SLC26A5: variants seen among roughly 807,000 people sequenced by gnomAD.
SLC26A5 encodes prestin.
A neutral mutation model predicts 81.0 loss-of-function variants in SLC26A5; 51 were observed. The ratio of observed to expected loss-of-function variants is 0.63; its 90% CI spans 0.50 to 0.80. SLC26A5 has a LOEUF of 0.80. Among genes scored for constraint, SLC26A5 ranks in the 30% least tolerant of loss-of-function variants. The pLI is 0.00. For missense variants in SLC26A5, 771 were observed against 905.8 expected (o/e 0.85, Z 1.91); for synonymous variants, 325 against 332.8 (o/e 0.98, Z 0.25).
chr7:103,427,851 C>G (rs372643700), intron 2 of SLC26A5, among the ~76,000 whole-genome samples: 2 of 143,978 alleles, frequency 1.4e-5, no homozygotes, highest in Non-Finnish European at 3.0e-5. Context: ...TCTAGAGATT[C>G]TTTTTTTTTT....
intron 9 of SLC26A5, among the ~76,000 whole-genome samples, chr7:103,395,821 T>C (rs1160088529): frequency 2.6e-5 from 4 of 152,014 alleles, no homozygotes; most frequent in African/African-American, 9.7e-5. Context: ...GCCCGGCCAA[T>C]AATATGTTTT....
rs534026552 is a variant in SLC26A5 at position 103,438,186 on chromosome 7, A to T, written c.-54+4897T>A. ...ATACAAAGGGTCAACTGTATATTTTAAAAAAAACTAAGAGTAAATTTCAAA... is the reference window on the plus strand; with the variant it reads ...ATACAAAGGGTCAACTGTATATTTTTAAAAAAACTAAGAGTAAATTTCAAA... On this transcript the variant is annotated intron_variant, in intron 2 of 19. Transcript: ENST00000306312. Among the ~76,000 whole-genome samples, 8 of 152,152 alleles carry T rather than the reference A, an allele frequency of 5.3e-5. No individual in the cohort carries two copies. The East Asian group carries it at 1.2e-3, about 22-fold the overall frequency.
Position 103,374,384 on chromosome 7 carries a change from G to A in SLC26A5, c.*15C>T, listed in dbSNP as rs184823040. On this transcript the variant is annotated 3_prime_UTR_variant, in exon 20 of 20. Coordinates refer to ENST00000306312, the MANE Select transcript of SLC26A5 (RefSeq NM_198999.3). ...ATGAGAGGCTTATAACCCCATCCTA[G>A]GGTGAGGTCCTCATCTATGCCTCAG... 59 of 1,611,968 alleles carry A rather than the reference G, an allele frequency of 3.7e-5. No homozygotes were observed. In the East Asian group the frequency reaches 1.2e-3, roughly 32 times the overall value.
At chr7:103,394,951 C>T (rs941471690) in intron 9 of SLC26A5, among the ~76,000 whole-genome samples, 1 of 152,126 alleles carries the variant, frequency 6.6e-6, no homozygotes. Context: ...CTGGAGATAC[C>T]ACATGTAGAG....
chr7:103,360,084 A>G (rs889861519), intron 19 of SLC26A5, among the ~76,000 whole-genome samples: 3 of 152,106 alleles, frequency 2.0e-5, no homozygotes, highest in Non-Finnish European at 1.5e-5. Flanking sequence ...GTCTCAAAAA[A>G]AAAAAAAAAG....
At chr7:103,427,279 G>A (rs1300801796) in intron 2 of SLC26A5, among the ~76,000 whole-genome samples, 1 of 151,962 alleles carries the variant, frequency 6.6e-6, no homozygotes, top group Non-Finnish European at 1.5e-5. Context: ...GTTTCCCCTT[G>A]TTGGCCAGGC....
intron 19 of SLC26A5, chr7:103,361,942 T>A: frequency 6.3e-7 from 1 of 1,594,302 alleles, no homozygotes; most frequent in Non-Finnish European, 8.5e-7. Flanking sequence ...CTAATCAAGC[T>A]TTTTGCTGTG....
At chr7:103,413,854 CAG>C (rs1438913826) in intron 4 of SLC26A5, among the ~76,000 whole-genome samples, 1 of 152,042 alleles carries the variant, frequency 6.6e-6, no homozygotes, top group Non-Finnish European at 1.5e-5. Flanking sequence ...GCAAAAGATA[CAG>C]AGGTTTTCCA....
chr7:103,371,474 G>A (rs1307552979), downstream of SLC26A5, among the ~76,000 whole-genome samples: 7 of 150,894 alleles, frequency 4.6e-5, no homozygotes, highest in African/African-American at 1.2e-4. Flanking sequence ...ACAGGCGCCC[G>A]CCACTACGCC....
At chr7:103,355,085 T>C in intron 19 of SLC26A5, 1 of 671,074 alleles carries the variant, frequency 1.5e-6, no homozygotes. Flanking sequence ...GTTAAGAAAT[T>C]AGATCTCATT....
intron 19 of SLC26A5, chr7:103,368,287 A>G: frequency 2.4e-6 from 1 of 419,118 alleles, no homozygotes; most frequent in South Asian, 4.3e-5. Context: ...ACATCATACA[A>G]AGCGCTTGCT....
At chr7:103,391,840 T>C in intron 10 of SLC26A5, 105 bp from the exon 11 acceptor site, 1 of 858,474 alleles carries the variant, frequency 1.2e-6, no homozygotes, top group East Asian at 2.6e-5. Context: ...GCCTATCTCT[T>C]CATTTTCCTT....
At chr7:103,399,448 A>C in intron 8 of SLC26A5, among the ~76,000 whole-genome samples, 1 of 151,978 alleles carries the variant, frequency 6.6e-6, no homozygotes, top group Admixed American at 6.5e-5. Context: ...TGCCATGTAG[A>C]CAAGACTGAG....
chr7:103,362,427 A>T, intron 19 of SLC26A5: 2 of 1,356,174 alleles, frequency 1.5e-6, no homozygotes, highest in Non-Finnish European at 1.9e-6. Context: ...AGAATACATA[A>T]CAACTCACTT....
At chr7:103,401,208 A>G (rs1030231983) in intron 8 of SLC26A5, among the ~76,000 whole-genome samples, 1 of 152,106 alleles carries the variant, frequency 6.6e-6, no homozygotes, top group South Asian at 2.1e-4. Flanking sequence ...ATGAGCATGG[A>G]ATGTTTTTCC....
chr7:103,421,298 A>G (rs1825327039), intron 3 of SLC26A5, 65 bp downstream of exon 3: 1 of 1,562,828 alleles, frequency 6.4e-7, no homozygotes, highest in Non-Finnish European at 8.8e-7. Flanking sequence ...TTCTTTACAC[A>G]TTTGACCTTG....
intron 4 of SLC26A5, among the ~76,000 whole-genome samples, chr7:103,418,004 T>C (rs1825061254): frequency 6.6e-6 from 1 of 152,182 alleles, no homozygotes; most frequent in South Asian, 2.1e-4. Flanking sequence ...GGCCTTCCAG[T>C]GTTGGGATTA....
chr7:103,389,930 A>G (rs992976256), intron 12 of SLC26A5, among the ~76,000 whole-genome samples: 2 of 152,136 alleles, frequency 1.3e-5, no homozygotes, highest in Non-Finnish European at 2.9e-5. Context: ...CCGGCTGGAA[A>G]TCATTCTTAT....
chr7:103,406,969 A>T (rs2116617935), intron 8 of SLC26A5, among the ~76,000 whole-genome samples: 1 of 152,268 alleles, frequency 6.6e-6, no homozygotes, highest in South Asian at 2.1e-4. Context: ...TTCATTTCTT[A>T]TCCTTGCCGC....
Sources: allele counts gnomAD v4.1 joint callset (sites outside exome capture counted in the v4.1 genomes callset), GRCh38; gene constraint gnomAD v4.1.1; transcripts MANE v1.5; gene names NCBI Gene and HGNC (gene_info 2026-07-23, HGNC 2026-07-21).